MICU3: variants seen among roughly 807,000 people sequenced by gnomAD.
The protein encoded by MICU3 is calcium uptake protein 3, mitochondrial.
A neutral mutation model predicts 66.5 loss-of-function variants in MICU3; 62 were observed. That is an observed-to-expected ratio of 0.93 (90% CI 0.76 to 1.15). The LOEUF is 1.15. Ranked by LOEUF, MICU3 falls within the 50% of genes most tolerant of loss-of-function variation. The probability of loss-of-function intolerance (pLI) is 0.00; values close to 1 mark genes in which losing one functional copy is unlikely to be tolerated. For synonymous variants in MICU3, 308 were observed against 240.7 expected, an observed-to-expected ratio of 1.28 and a Z score of -2.59; for missense variants, 779 against 664.4, an observed-to-expected ratio of 1.17 and a Z score of -1.90.
In MICU3 at chr8:17,036,121, C is replaced by T. The variant is rs544039863; in HGVS notation, c.381+8461C>T. 1.6e-4 allele frequency among the ~76,000 whole-genome samples: 25 copies of T among 152,160 alleles called. No individual in the cohort carries two copies. In the South Asian group the frequency reaches 1.9e-3, roughly 11 times the overall value. Reference sequence around the variant, plus strand: ...GTCCCTTCTGATGTTCAGATGTGTTCGGAGTTTCTTCCTTCTGGTGGGTTC... The same window carrying T: ...GTCCCTTCTGATGTTCAGATGTGTTTGGAGTTTCTTCCTTCTGGTGGGTTC... On this transcript the variant is annotated intron_variant, in intron 1 of 14. Transcript: ENST00000318063.
intron 1 of MICU3, among the ~76,000 whole-genome samples, chr8:17,042,407 G>C (rs1814297173): frequency 6.6e-6 from 1 of 152,178 alleles, no homozygotes; most frequent in Non-Finnish European, 1.5e-5. Context: ...AATCAAGCAA[G>C]CTCGATTTAT....
chr8:17,027,730 G>A (rs926382249), intron 1 of MICU3, 70 bp downstream of exon 1: 3 of 1,255,850 alleles, frequency 2.4e-6, no homozygotes, highest in Non-Finnish European at 3.0e-6. Flanking sequence ...CAGGACCCTG[G>A]AGGCTGTGGG....
chr8:17,061,950 T>C lies in MICU3; in HGVS notation c.382-2134T>C, dbSNP rs532444401. On this transcript the variant is annotated intron_variant, in intron 1 of 14. Transcript: ENST00000318063. ...GACACCTGAGCAACTGTTATCAATA[T>C]ACTGCTGAGCCAACTTGTCTTTGGT... Among the ~76,000 whole-genome samples, 10 of 152,298 alleles carry C rather than the reference T, an allele frequency of 6.6e-5. No homozygotes were observed. In the East Asian group the frequency reaches 1.9e-3, roughly 29 times the overall value.
At chr8:17,038,957 A>AT (rs1305622636) in intron 1 of MICU3, among the ~76,000 whole-genome samples, 5 of 147,480 alleles carry the variant, frequency 3.4e-5, no homozygotes, top group Non-Finnish European at 6.0e-5. Flanking sequence ...TGTCTCAAAA[A>AT]AAAAAAAAAA....
At chr8:17,085,971 A>G (rs1289079796) in intron 6 of MICU3, among the ~76,000 whole-genome samples, 1 of 151,990 alleles carries the variant, frequency 6.6e-6, no homozygotes, top group African/African-American at 2.4e-5. Flanking sequence ...AATGCCTAGT[A>G]TATTTTTTTT....
intron 5 of MICU3, among the ~76,000 whole-genome samples, chr8:17,082,253 T>C (rs1409148307): frequency 2.0e-5 from 3 of 152,178 alleles, no homozygotes; most frequent in Non-Finnish European, 4.4e-5. Context: ...CTGTTATAGT[T>C]TACTGTGTTC....
At position 17,105,484 on chromosome 8, in the gene MICU3, T is replaced by C; in HGVS notation, c.1157T>C (p.Ile386Thr). The C allele has an allele frequency of 6.4e-7, 1 of 1,573,632 alleles. No individual in the cohort carries two copies. Among genetic ancestry groups the C allele is most frequent in the Non-Finnish European group, 8.7e-7 (1 of 1,154,854 alleles). ...FLSYSNGMNT[I>T]SEEDFAHILL... ...TCCTACTCAAATGGAATGAATACCA[T>C]CAGTGAAGAAGATTTTGCTCATATT... Residue 386 changes from isoleucine to threonine, a missense_variant, in exon 11 of 15, where the codon ATC becomes ACC. Coordinates refer to ENST00000318063, the MANE Select transcript of MICU3 (RefSeq NM_181723.3).
chr8:17,104,053 A>G (rs1045591285), intron 9 of MICU3, among the ~76,000 whole-genome samples: 2 of 152,064 alleles, frequency 1.3e-5, no homozygotes, highest in Admixed American at 6.6e-5. Flanking sequence ...GAATAAAAAT[A>G]GAATATTTAG....
chr8:17,129,761 C>T, the MICU3 span, among the ~76,000 whole-genome samples: 1 of 152,108 alleles, frequency 6.6e-6, no homozygotes, highest in Non-Finnish European at 1.5e-5. Context: ...CAAAATTCTT[C>T]CCAAATTTGA....
At chr8:17,099,330 C>T (rs978040931) in intron 9 of MICU3, among the ~76,000 whole-genome samples, 1 of 151,768 alleles carries the variant, frequency 6.6e-6, no homozygotes, top group African/African-American at 2.4e-5. Flanking sequence ...TTATCTCTTT[C>T]TCTTTACAGT....
rs1803260201 is a variant in MICU3, at chr8:17,122,416, T to C, written c.*2129T>C. ...TGCTGTTATTGTCAGTGTTTCCTTC[T>C]ATAAACTGTTCTTTGGAAAAATTAA... On this transcript the variant is annotated 3_prime_UTR_variant, in exon 15 of 15. Transcript: ENST00000318063. 1 of 151,904 alleles carries C rather than the reference T, an allele frequency of 6.6e-6. No individual in the cohort carries two copies. The highest frequency in any genetic ancestry group is 1.5e-5 in the Non-Finnish European group (1 of 67,766). 9.4% of individuals were successfully genotyped at this position (151,904 alleles called of 1,614,324 possible).
chr8:17,106,693 G>C (rs1356129763), intron 11 of MICU3, among the ~76,000 whole-genome samples: 3 of 151,818 alleles, frequency 2.0e-5, no homozygotes, highest in African/African-American at 7.3e-5. Context: ...TGTAGAAATG[G>C]AAAAATTTGC....
In MICU3 at chr8:17,069,671, A is replaced by C; in HGVS notation, c.536-17A>C. On this transcript the variant is annotated splice_polypyrimidine_tract_variant and intron_variant, in intron 2 of 14. Coordinates refer to ENST00000318063, the MANE Select transcript of MICU3 (RefSeq NM_181723.3). The stretch of plus-strand genomic sequence containing the variant: ...GAAGTATTTATTATCTAATTATCTT[A>C]CATTTGTTTATTTTAGTTGCCAAAA... 1 of 1,480,492 alleles carries C rather than the reference A, an allele frequency of 6.8e-7. No homozygotes were observed. Among genetic ancestry groups the C allele is most frequent in the Non-Finnish European group, 9.2e-7 (1 of 1,084,032 alleles). 91.7% of individuals were successfully genotyped at this position (1,480,492 alleles called of 1,614,324 possible).
At chr8:17,135,251 T>C in the MICU3 span, among the ~76,000 whole-genome samples, 45 of 152,100 alleles carry the variant, frequency 3.0e-4, no homozygotes, top group African/African-American at 1.1e-3. Context: ...ATACCAAAAT[T>C]AGCCAGGTGT....
chr8:17,094,680 A>G (rs1800477183), intron 8 of MICU3, among the ~76,000 whole-genome samples: 1 of 151,958 alleles, frequency 6.6e-6, no homozygotes, highest in Non-Finnish European at 1.5e-5. Context: ...TGAAATCTGA[A>G]TAACCATGGT....
downstream of MICU3, among the ~76,000 whole-genome samples, chr8:17,122,914 G>A (rs1284406300): frequency 2.6e-5 from 4 of 151,956 alleles, no homozygotes; most frequent in Non-Finnish European, 5.9e-5. Flanking sequence ...AAGTTTATAT[G>A]TGACTTAATG....
chr8:17,072,908 A>G (rs1041031490), intron 3 of MICU3, among the ~76,000 whole-genome samples: 4 of 152,074 alleles, frequency 2.6e-5, no homozygotes, highest in African/African-American at 9.7e-5. Context: ...TTTTTTTGAG[A>G]TAGAGTCTCT....
intron 12 of MICU3, 69 bp downstream of exon 12, chr8:17,114,270 C>A: frequency 3.1e-6 from 3 of 983,216 alleles, no homozygotes; most frequent in Admixed American, 2.1e-5. Context: ...TTTTGGCAAC[C>A]AATTAATTAA....
chr8:17,068,503 T>C (rs779608486), intron 2 of MICU3, among the ~76,000 whole-genome samples: 12 of 152,204 alleles, frequency 7.9e-5, no homozygotes, highest in Non-Finnish European at 1.8e-4. Context: ...ACTATTTGTA[T>C]TGTTCTGTTC....
Sources: allele counts gnomAD v4.1 joint callset (sites outside exome capture counted in the v4.1 genomes callset), GRCh38; gene constraint gnomAD v4.1.1; transcripts MANE v1.5; gene names NCBI Gene and HGNC (gene_info 2026-07-23, HGNC 2026-07-21).